Variants in TAB1 observed in about 807,000 individuals in gnomAD.
TAB1 encodes TGF-beta activated kinase 1 (MAP3K7) binding protein 1.
In TAB1, 30 loss-of-function variants were observed where a neutral mutation model predicts 54.5. The observed-to-expected ratio is 0.55, with a 90% CI of 0.41 to 0.75. TAB1 has a LOEUF of 0.75. Among genes scored for constraint, TAB1 ranks in the 30% least tolerant of loss-of-function variants. TAB1 has a pLI of 0.00. For synonymous variants in TAB1, 289 were observed against 286.9 expected, an observed-to-expected ratio of 1.01 and a Z score of -0.07; for missense variants, 609 against 683.2, an observed-to-expected ratio of 0.89 and a Z score of 1.21.
In TAB1 at chr22:39,426,756, A is replaced by G. The variant is rs199611422; in HGVS notation, c.975A>G (p.Ala325=). 1.9e-6 allele frequency: 3 copies of G among 1,613,616 alleles called. No homozygotes were observed. The African/African-American group carries it at 4.0e-5, about 21-fold the overall frequency. The change falls in exon 9 of 11, where the codon GCA becomes GCG. Residue 325 remains alanine (A), a synonymous_variant. Transcript: ENST00000216160. ...TTGCCAAGCAGACCTCCCTGGACGCAGTGGCCCAGGCCGTCGTGGACCGGG... is the reference window on the plus strand; with the variant it reads ...TTGCCAAGCAGACCTCCCTGGACGCGGTGGCCCAGGCCGTCGTGGACCGGG... The part of the protein sequence containing the change: ...TEFAKQTSLD[A]VAQAVVDRVK...
chr22:39,436,675 GC>G, downstream of TAB1: 1 of 922,392 alleles, frequency 1.1e-6, no homozygotes, highest in Non-Finnish European at 1.7e-6. Context: ...GCCAGGCCAG[GC>G]CCCGCCCCCT....
chr22:39,415,182 G>T lies in TAB1; in HGVS notation c.170+40G>T. 1 of 1,536,028 alleles carries T rather than the reference G, an allele frequency of 6.5e-7. No individual in the cohort carries two copies. Among genetic ancestry groups the T allele is most frequent in the South Asian group, 1.3e-5 (1 of 79,424 alleles). ...ATTTCTGTGTTGGGCCCGGGGAGTTGGTTGGTTTGCAAGCAAGGAAAGACA... is the reference window on the plus strand; with the variant it reads ...ATTTCTGTGTTGGGCCCGGGGAGTTTGTTGGTTTGCAAGCAAGGAAAGACA... On this transcript the variant is annotated intron_variant, in intron 2 of 10. Transcript: ENST00000216160. The surrounding 1 kb of genome is among the most constrained non-coding windows in gnomAD (Gnocchi z 4.9).
rs541326381 is a variant in TAB1, at chr22:39,422,062, G to A, written c.921+91G>A. ...CCTGCCTTCTAGCACTGTGATTCTC[G>A]GAGGCCGTCACCAGACATCTCTGGG... On this transcript the variant is annotated intron_variant, in intron 8 of 10. Coordinates refer to ENST00000216160, the MANE Select transcript of TAB1 (RefSeq NM_006116.3). 21 of 1,206,568 alleles carry A rather than the reference G, an allele frequency of 1.7e-5. 1 individual carries two copies. The East Asian group carries it at 4.2e-4, about 24-fold the overall frequency. 74.7% of individuals were successfully genotyped at this position (1,206,568 alleles called of 1,614,324 possible). A position where few individuals can be genotyped will look rare whatever the true frequency, so the allele number is the denominator to read the frequency against.
chr22:39,400,295 A>G (rs1322389743), intron 1 of TAB1, among the ~76,000 whole-genome samples: 3 of 152,148 alleles, frequency 2.0e-5, no homozygotes, highest in East Asian at 1.9e-4. Context: ...TGTTATTCCT[A>G]TTTGACAGAC....
intron 1 of TAB1, among the ~76,000 whole-genome samples, chr22:39,411,875 A>G (rs556736523): frequency 6.6e-6 from 1 of 152,298 alleles, no homozygotes; most frequent in East Asian, 1.9e-4. Flanking sequence ...CATCCGAACA[A>G]TGGTATATTA....
chr22:39,436,479 C>G (rs758718605), downstream of TAB1: 4 of 1,610,864 alleles, frequency 2.5e-6, no homozygotes, highest in Non-Finnish European at 3.4e-6. Flanking sequence ...AAGTTTCCTC[C>G]TGATTTTCAG....
chr22:39,409,747 G>A (rs12168955), intron 1 of TAB1, among the ~76,000 whole-genome samples: 9,987 of 152,132 alleles, frequency 0.066, 1,010 homozygotes, highest in African/African-American at 0.22. Context: ...CGCCCATCAC[G>A]CTGTGTCCCA....
At position 39,430,392 on chromosome 22, in the gene TAB1, A is replaced by G; in HGVS notation, c.*170A>G. ...AGTAGAGTGTGTGAGTGCAGACTGG[A>G]CCTGTGGTTCATACCTTGTCACCAC... is the stretch of plus-strand genomic sequence containing the variant. On this transcript the variant is annotated 3_prime_UTR_variant, in exon 11 of 11. Transcript: ENST00000216160. 6.9e-7 allele frequency: 1 copy of G among 1,452,404 alleles called. No individual in the cohort carries two copies. The highest frequency in any genetic ancestry group is 2.5e-4 in the Middle Eastern group (1 of 3,954). The allele number at this position is 1,452,404 out of a possible 1,614,324, so 90.0% of individuals were successfully genotyped here.
chr22:39,406,712 A>G (rs780665033), intron 1 of TAB1, among the ~76,000 whole-genome samples: 49 of 151,844 alleles, frequency 3.2e-4, no homozygotes, highest in Non-Finnish European at 5.0e-4. Flanking sequence ...GGCTCACTGC[A>G]AGCTCTGCCT....
intron 8 of TAB1, among the ~76,000 whole-genome samples, chr22:39,423,402 C>G (rs948771217): frequency 3.9e-5 from 6 of 152,140 alleles, no homozygotes; most frequent in Non-Finnish European, 8.8e-5. Flanking sequence ...GTCAGGAGTT[C>G]GAGACCAGCC....
At chr22:39,416,442 C>T (rs1408404572) in intron 3 of TAB1, among the ~76,000 whole-genome samples, 1 of 152,260 alleles carries the variant, frequency 6.6e-6, no homozygotes, top group Non-Finnish European at 1.5e-5. Context: ...AACACTTAAC[C>T]TCCGTTGTGT....
intron 8 of TAB1, among the ~76,000 whole-genome samples, chr22:39,425,047 G>A (rs1927260341): frequency 6.6e-6 from 1 of 151,916 alleles, no homozygotes; most frequent in African/African-American, 2.4e-5. Context: ...CAACCATTCT[G>A]TTTTTCACTG....
In TAB1 at chr22:39,430,073, A is replaced by T. The variant is rs1184007359; in HGVS notation, c.1366A>T (p.Ser456Cys). Residue 456 changes from serine (S) to cysteine (C), a missense_variant, in exon 11 of 11, where the codon AGC (serine) becomes TGC (cysteine). Physicochemically the swap from Ser to Cys is moderately radical, Grantham distance 112. Coordinates refer to ENST00000216160, the MANE Select transcript of TAB1 (RefSeq NM_006116.3). The part of the protein sequence containing the change: ...TNTHTQSSSS[S>C]SDGGLFRSRP... ...CACGCACACGCAGAGCAGCAGCTCC[A>T]GCTCTGACGGAGGCCTCTTCCGCTC... is the stretch of plus-strand genomic sequence containing the variant. The T allele has an allele frequency of 1.2e-6, 2 of 1,613,996 alleles. No homozygotes were observed. The highest frequency in any genetic ancestry group is 1.7e-6 in the Non-Finnish European group (2 of 1,180,050).
chr22:39,415,780 A>G lies in TAB1; in HGVS notation c.324+127A>G, dbSNP rs1398648243. 1.6e-6 allele frequency: 2 copies of G among 1,280,062 alleles called. No homozygotes were observed. Among genetic ancestry groups the G allele is most frequent in the African/African-American group, 3.0e-5 (2 of 67,760 alleles). The allele number at this position is 1,280,062 out of a possible 1,614,324, so 79.3% of individuals were successfully genotyped here. On this transcript the variant is annotated intron_variant, in intron 3 of 10. Coordinates refer to ENST00000216160, the MANE Select transcript of TAB1 (RefSeq NM_006116.3). The surrounding 1 kb of genome is among the most constrained non-coding windows in gnomAD (Gnocchi z 4.9). ...CCTGCCGGCCCCTTCACCCCAGTAG[A>G]GGAGCAGCTCCCAGCGTAGGCCCCC... is the stretch of plus-strand genomic sequence containing the variant.
chr22:39,414,673 G>GC, intron 1 of TAB1: 1 of 288,824 alleles, frequency 3.5e-6, no homozygotes. Flanking sequence ...AAGAGGTGGG[G>GC]TCCCCAGAGT....
At chr22:39,405,312 A>C (rs1236354765) in intron 1 of TAB1, among the ~76,000 whole-genome samples, 1 of 152,238 alleles carries the variant, frequency 6.6e-6, no homozygotes, top group African/African-American at 2.4e-5. Flanking sequence ...TCATACCGAA[A>C]CATTAATTTT....
intron 1 of TAB1, among the ~76,000 whole-genome samples, chr22:39,406,438 A>G (rs1926368820): frequency 6.7e-6 from 1 of 148,464 alleles, no homozygotes; most frequent in Non-Finnish European, 1.5e-5. Flanking sequence ...TGAGTGAAAG[A>G]TAGTTTCTTG....
At chr22:39,417,240 G>A (rs1926871917) in intron 4 of TAB1, among the ~76,000 whole-genome samples, 1 of 152,198 alleles carries the variant, frequency 6.6e-6, no homozygotes, top group Admixed American at 6.5e-5. Flanking sequence ...AAGAACCTTA[G>A]CCTGGAGCTG....
At chr22:39,421,087 T>G (rs771966508) in intron 7 of TAB1, among the ~76,000 whole-genome samples, 3 of 151,998 alleles carry the variant, frequency 2.0e-5, no homozygotes, top group Non-Finnish European at 4.4e-5. Context: ...TTTTCTTTTT[T>G]TTTAAACCCT....
Sources: allele counts gnomAD v4.1 joint callset (sites outside exome capture counted in the v4.1 genomes callset), GRCh38; gene constraint gnomAD v4.1.1; non-coding constraint Gnocchi (gnomAD v3.1); transcripts MANE v1.5; gene names NCBI Gene and HGNC (gene_info 2026-07-23, HGNC 2026-07-21).